Variants in PAK1 observed in about 807,000 individuals in gnomAD.
The protein encoded by PAK1 is serine/threonine-protein kinase PAK 1.
A neutral mutation model predicts 67.4 loss-of-function variants in PAK1; 29 were observed. The ratio of observed to expected loss-of-function variants is 0.43; its 90% CI spans 0.32 to 0.59. The LOEUF (loss-of-function observed/expected upper bound fraction) is 0.59. Among genes scored for constraint, PAK1 ranks in the 20% least tolerant of loss-of-function variants. The pLI, the probability that PAK1 is intolerant of heterozygous loss-of-function variation, is 0.07. For missense variants in PAK1, 337 were observed against 670.7 expected, an observed-to-expected ratio of 0.50 and a Z score of 5.50; for synonymous variants, 223 against 237.4, an observed-to-expected ratio of 0.94 and a Z score of 0.56.
intron 1 of PAK1, among the ~76,000 whole-genome samples, chr11:77,469,245 T>C (rs1440143699): frequency 6.6e-6 from 1 of 152,158 alleles, no homozygotes; most frequent in Admixed American, 6.5e-5. Context: ...AAACCTTAAA[T>C]AAGCTCCCTT....
chr11:77,428,289 C>T (rs1443428372), intron 1 of PAK1, among the ~76,000 whole-genome samples: 2 of 152,184 alleles, frequency 1.3e-5, no homozygotes, highest in African/African-American at 2.4e-5. Flanking sequence ...TAAGGCCAGG[C>T]GCGGTGGCTC....
the PAK1 span, among the ~76,000 whole-genome samples, chr11:77,508,238 CA>C: frequency 6.6e-6 from 1 of 152,230 alleles, no homozygotes; most frequent in African/African-American, 2.4e-5. Context: ...CCTACCTCCA[CA>C]GGCTGCCTTG....
At chr11:77,332,281 T>TCCTG (rs1302046824) in intron 14 of PAK1, among the ~76,000 whole-genome samples, 1 of 88,412 alleles carries the variant, frequency 1.1e-5, no homozygotes, top group Admixed American at 1.4e-4. Flanking sequence ...CATTGCACAC[T>TCCTG]CCTGCCTGGG....
At chr11:77,327,587 G>A (rs1591645076) in intron 14 of PAK1, among the ~76,000 whole-genome samples, 1 of 152,126 alleles carries the variant, frequency 6.6e-6, no homozygotes, top group East Asian at 1.9e-4. Context: ...CAAATGCTGA[G>A]AGATTTTGTC....
intron 5 of PAK1, among the ~76,000 whole-genome samples, chr11:77,363,252 T>C (rs1489616731): frequency 2.6e-5 from 4 of 152,180 alleles, no homozygotes; most frequent in Admixed American, 6.5e-5. Flanking sequence ...TGCAAACAGA[T>C]TGAAAATGGC....
the PAK1 span, among the ~76,000 whole-genome samples, chr11:77,514,195 A>G: frequency 3.3e-5 from 5 of 152,154 alleles, no homozygotes; most frequent in African/African-American, 7.2e-5. Flanking sequence ...TTTTGTGACT[A>G]AGTATAAGAC....
At chr11:77,416,682 T>G (rs990704152) in intron 1 of PAK1, among the ~76,000 whole-genome samples, 21 of 152,142 alleles carry the variant, frequency 1.4e-4, no homozygotes, top group Non-Finnish European at 2.8e-4. Flanking sequence ...GGCCAGGTGC[T>G]GTGGCTGACG....
intron 1 of PAK1, among the ~76,000 whole-genome samples, chr11:77,451,063 G>C (rs1372043754): frequency 6.6e-6 from 1 of 152,156 alleles, no homozygotes; most frequent in Non-Finnish European, 1.5e-5. Flanking sequence ...AGACTTTAGG[G>C]AAACCATTTG....
intron 1 of PAK1, among the ~76,000 whole-genome samples, chr11:77,429,410 AT>A (rs1955755054): frequency 6.6e-6 from 1 of 152,234 alleles, no homozygotes; most frequent in Non-Finnish European, 1.5e-5. Flanking sequence ...ATACTTATTA[AT>A]TATACAAGAG....
intron 1 of PAK1, among the ~76,000 whole-genome samples, chr11:77,446,719 T>C (rs974623006): frequency 9.9e-5 from 15 of 151,912 alleles, no homozygotes; most frequent in African/African-American, 3.4e-4. Context: ...CTAGTTAAAA[T>C]TGGCAGATTG....
chr11:77,328,376 T>G (rs1283262239), intron 14 of PAK1, among the ~76,000 whole-genome samples: 1 of 152,112 alleles, frequency 6.6e-6, no homozygotes, highest in African/African-American at 2.4e-5. Flanking sequence ...ATTGACCACA[T>G]AGTTGGAAGT....
At chr11:77,341,200 A>T (rs1474721002) in intron 10 of PAK1, among the ~76,000 whole-genome samples, 1 of 152,196 alleles carries the variant, frequency 6.6e-6, no homozygotes, top group Non-Finnish European at 1.5e-5. Context: ...GTCCTACCAG[A>T]TCTGAGATCT....
At chr11:77,428,023 C>T (rs1345399270) in intron 1 of PAK1, among the ~76,000 whole-genome samples, 1 of 152,114 alleles carries the variant, frequency 6.6e-6, no homozygotes, top group Non-Finnish European at 1.5e-5. Context: ...TTGGAGTGCA[C>T]AGTATACCAA....
chr11:77,436,778 A>C (rs111837842), intron 1 of PAK1, among the ~76,000 whole-genome samples: 4,887 of 152,272 alleles, frequency 0.032, 128 homozygotes, highest in African/African-American at 0.074. Flanking sequence ...ATATCAGAAG[A>C]AGCTTCTCTC....
chr11:77,452,347 T>C (rs1956897124), intron 1 of PAK1, among the ~76,000 whole-genome samples: 1 of 152,202 alleles, frequency 6.6e-6, no homozygotes, highest in Admixed American at 6.5e-5. Context: ...CTCTTTACAC[T>C]ACCCCACAAT....
Position 77,355,809 on chromosome 11 carries a change from C to T in PAK1, c.631G>A (p.Val211Ile). The change falls in exon 7 of 15, where the codon GTC becomes ATC. Residue 211 changes from valine to isoleucine, a missense_variant. By Grantham distance (29) the Val-to-Ile change is conservative (BLOSUM62 3). This residue lies in a region of PAK1 where 150 missense variants were observed against 179.0 expected (regional missense o/e 0.84). Coordinates refer to ENST00000356341, the MANE Select transcript of PAK1 (RefSeq NM_002576.5). The stretch of plus-strand genomic sequence containing the variant: ...GTAGCCACGTCCCGAGTTGGAGTGA[C>T]AGGAAGTGGTTCAATCACAGACCGT... ...YTRSVIEPLP[V>I]TPTRDVATSP... 6.2e-7 allele frequency: 1 copy of T among 1,613,632 alleles called. No individual in the cohort carries two copies. Among genetic ancestry groups the T allele is most frequent in the East Asian group, 2.2e-5 (1 of 44,872 alleles).
At chr11:77,395,958 C>A (rs1592228348) in intron 1 of PAK1, among the ~76,000 whole-genome samples, 1 of 152,188 alleles carries the variant, frequency 6.6e-6, no homozygotes, top group Non-Finnish European at 1.5e-5. Flanking sequence ...CCACTCCAGG[C>A]TGCCAGTTCC....
chr11:77,426,841 TAAA>T (rs66931592), intron 1 of PAK1, among the ~76,000 whole-genome samples: 15 of 128,208 alleles, frequency 1.2e-4, no homozygotes, highest in Non-Finnish European at 1.3e-4. Flanking sequence ...GAGCAATCTT[TAAA>T]AAAAAAAAAA....
chr11:77,357,429 G>A (rs536008406), intron 6 of PAK1, among the ~76,000 whole-genome samples: 40 of 152,288 alleles, frequency 2.6e-4, no homozygotes, highest in Non-Finnish European at 4.7e-4. Flanking sequence ...TGTACCTGTA[G>A]ACAAACTATA....
Sources: allele counts gnomAD v4.1 joint callset (sites outside exome capture counted in the v4.1 genomes callset), GRCh38; gene constraint gnomAD v4.1.1; regional missense constraint gnomAD v4.1.1; transcripts MANE v1.5; gene names NCBI Gene and HGNC (gene_info 2026-07-23, HGNC 2026-07-21).